Variants in SLC2A13 observed in about 807,000 individuals in gnomAD.
The protein encoded by SLC2A13 is solute carrier family 2 member 13, also known as proton myo-inositol cotransporter.
A neutral mutation model predicts 64.4 loss-of-function variants in SLC2A13; 32 were observed. The ratio of observed to expected loss-of-function variants is 0.50; its 90% confidence interval spans 0.37 to 0.67. The LOEUF is 0.67. SLC2A13 is among the 30% of genes least tolerant of loss of function. The probability of loss-of-function intolerance (pLI) is 0.00; values close to 1 mark genes in which losing one functional copy is unlikely to be tolerated. For missense variants in SLC2A13, 743 were observed against 829.2 expected (o/e 0.90, Z 1.28); for synonymous variants, 338 against 327.1 (o/e 1.03, Z -0.36).
intron 7 of SLC2A13, among the ~76,000 whole-genome samples, chr12:39,804,473 C>T (rs917533171): frequency 1.3e-5 from 2 of 152,068 alleles, no homozygotes; most frequent in African/African-American, 2.4e-5. Context: ...ATAATAATAA[C>T]CTGTCAAAAC....
intron 4 of SLC2A13, among the ~76,000 whole-genome samples, chr12:39,947,695 C>T (rs1264199562): frequency 1.4e-5 from 2 of 138,844 alleles, no homozygotes; most frequent in Non-Finnish European, 3.0e-5. Context: ...GAGTGTCGCT[C>T]AGTCGCCCAG....
At chr12:40,104,646 T>C (rs562747931) in intron 1 of SLC2A13, among the ~76,000 whole-genome samples, 2 of 152,110 alleles carry the variant, frequency 1.3e-5, no homozygotes, top group Non-Finnish European at 2.9e-5. Context: ...GGGAAAAGAA[T>C]GAAAGCTGAA....
At chr12:39,896,407 T>C (rs190653549) in intron 4 of SLC2A13, among the ~76,000 whole-genome samples, 18 of 135,966 alleles carry the variant, frequency 1.3e-4, no homozygotes, top group Non-Finnish European at 2.4e-4. Flanking sequence ...TATGTATACA[T>C]ATATGTATGT....
intron 4 of SLC2A13, among the ~76,000 whole-genome samples, chr12:39,897,700 A>G (rs1944964659): frequency 6.6e-6 from 1 of 152,152 alleles, no homozygotes; most frequent in Non-Finnish European, 1.5e-5. Flanking sequence ...ATTTGCAATT[A>G]ATTGGCCTAA....
chr12:39,923,132 T>A (rs11174291), intron 4 of SLC2A13, among the ~76,000 whole-genome samples: 51,021 of 151,984 alleles, frequency 0.34, 9,347 homozygotes, highest in Non-Finnish European at 0.42. Flanking sequence ...GTCTTATCAC[T>A]GTCCTCAAAA....
chr12:40,093,227 AG>A (rs1268818298), intron 1 of SLC2A13, among the ~76,000 whole-genome samples: 1 of 152,242 alleles, frequency 6.6e-6, no homozygotes, highest in East Asian at 1.9e-4. Context: ...CACTTTAAAA[AG>A]TTTGAAACCA....
intron 3 of SLC2A13, among the ~76,000 whole-genome samples, chr12:40,006,050 T>C (rs1194317148): frequency 6.6e-6 from 1 of 152,148 alleles, no homozygotes; most frequent in African/African-American, 2.4e-5. Context: ...AAACAGTACA[T>C]GAATGTTTTA....
chr12:39,805,905 T>G (rs1365109072), intron 7 of SLC2A13, among the ~76,000 whole-genome samples: 2 of 152,192 alleles, frequency 1.3e-5, no homozygotes, highest in Admixed American at 6.5e-5. Flanking sequence ...CAGGATTTGC[T>G]TAGTTTCACA....
chr12:39,954,268 G>C (rs545526214), intron 3 of SLC2A13, among the ~76,000 whole-genome samples: 1 of 152,306 alleles, frequency 6.6e-6, no homozygotes, highest in African/African-American at 2.4e-5. Context: ...GTGTTTCCTT[G>C]AGTTGAAAAG....
At chr12:40,046,844 G>A (rs568562586) in intron 2 of SLC2A13, among the ~76,000 whole-genome samples, 5 of 151,584 alleles carry the variant, frequency 3.3e-5, no homozygotes, top group East Asian at 1.9e-4. Context: ...AAGGTTTATC[G>A]TGCTTCTTAC....
intron 1 of SLC2A13, among the ~76,000 whole-genome samples, chr12:40,067,724 ATC>A (rs1937789869): frequency 6.6e-6 from 1 of 152,140 alleles, no homozygotes; most frequent in Admixed American, 6.5e-5. Flanking sequence ...TTTATTACAC[ATC>A]TATTCAGGAC....
At chr12:39,824,187 A>G (rs1342410976) in intron 7 of SLC2A13, among the ~76,000 whole-genome samples, 1 of 152,258 alleles carries the variant, frequency 6.6e-6, no homozygotes, top group Non-Finnish European at 1.5e-5. Flanking sequence ...TATAATTATC[A>G]TATAAACTAT....
intron 3 of SLC2A13, among the ~76,000 whole-genome samples, chr12:40,017,035 C>T (rs950403012): frequency 2.6e-5 from 4 of 152,160 alleles, no homozygotes; most frequent in Admixed American, 1.3e-4. Context: ...TCCTCACCAA[C>T]CACACCTCCC....
chr12:40,024,879 C>T (rs563613602), intron 3 of SLC2A13, among the ~76,000 whole-genome samples: 3 of 152,196 alleles, frequency 2.0e-5, no homozygotes, highest in East Asian at 1.9e-4. Flanking sequence ...AACTGAGGCG[C>T]GGCAACTCTC....
intron 4 of SLC2A13, among the ~76,000 whole-genome samples, chr12:39,908,564 G>A (rs1031751089): frequency 1.3e-5 from 2 of 151,836 alleles, no homozygotes; most frequent in South Asian, 2.1e-4. Flanking sequence ...AAGGCAAGGC[G>A]GGGAGGGGAG....
intron 1 of SLC2A13, among the ~76,000 whole-genome samples, chr12:40,066,465 C>G (rs1172684350): frequency 6.6e-6 from 1 of 152,018 alleles, no homozygotes; most frequent in East Asian, 1.9e-4. Context: ...AATAAATATT[C>G]ACTAGGAAAA....
chr12:40,096,755 A>G (rs1167336612), intron 1 of SLC2A13, among the ~76,000 whole-genome samples: 5 of 151,928 alleles, frequency 3.3e-5, no homozygotes, highest in African/African-American at 4.8e-5. Context: ...TTATATATAT[A>G]TTATTTCTTT....
At chr12:40,022,653 G>A (rs1011697525) in intron 3 of SLC2A13, among the ~76,000 whole-genome samples, 2 of 152,038 alleles carry the variant, frequency 1.3e-5, no homozygotes, top group Admixed American at 6.5e-5. Context: ...CCTGGCCAAC[G>A]CGGTGAAACC....
chr12:39,773,396 T>C (rs1566771096), intron 7 of SLC2A13, among the ~76,000 whole-genome samples: 3 of 152,172 alleles, frequency 2.0e-5, no homozygotes, highest in African/African-American at 7.2e-5. Flanking sequence ...AATCATGGAA[T>C]ACACAGAACT....
Sources: gnomAD v4.1 joint callset for allele counts (sites outside exome capture counted in the v4.1 genomes callset) on GRCh38, gnomAD v4.1.1 for gene constraint, MANE v1.5 for transcripts, NCBI Gene and HGNC (gene_info 2026-07-23, HGNC 2026-07-21) for gene names.